The following SEMA6D variants were observed in gnomAD, a reference collection of about 807,000 sequenced individuals.
The protein encoded by SEMA6D is semaphorin 6D.
SEMA6D carries 35 observed loss-of-function variants against 106.6 expected under a neutral mutation model. The ratio of observed to expected loss-of-function variants is 0.33; its 90% CI spans 0.25 to 0.44. The LOEUF (loss-of-function observed/expected upper bound fraction) is 0.44. SEMA6D is among the 20% of genes least tolerant of loss of function. SEMA6D has a pLI of 1.00. For missense variants in SEMA6D, 1,185 were observed against 1,345.9 expected, an observed-to-expected ratio of 0.88 and a Z score of 1.87; for synonymous variants, 499 against 487.7, an observed-to-expected ratio of 1.02 and a Z score of -0.31.
chr15:47,283,590 C>T (rs929936720), intron 1 of SEMA6D, among the ~76,000 whole-genome samples: 16 of 152,268 alleles, frequency 1.1e-4, no homozygotes, highest in African/African-American at 2.9e-4. Flanking sequence ...TGAGACTTTT[C>T]GACTTCAGAA....
chr15:47,633,696 C>T (rs1363314347), intron 4 of SEMA6D, among the ~76,000 whole-genome samples: 1 of 152,142 alleles, frequency 6.6e-6, no homozygotes, highest in Admixed American at 6.5e-5. Context: ...TGTTCTACTT[C>T]ATTTAAGTGA....
chr15:47,619,402 C>T (rs759359105), intron 4 of SEMA6D, among the ~76,000 whole-genome samples: 1 of 152,144 alleles, frequency 6.6e-6, no homozygotes, highest in Middle Eastern at 3.2e-3. Flanking sequence ...GATGACAAGT[C>T]GCACTTGGCC....
intron 3 of SEMA6D, among the ~76,000 whole-genome samples, chr15:47,581,961 AAG>A (rs1175328472): frequency 6.6e-6 from 1 of 152,202 alleles, no homozygotes; most frequent in Non-Finnish European, 1.5e-5. Context: ...AACTCTGGGA[AAG>A]AGGATATCGA....
At chr15:47,756,019 A>G (rs182510953) in intron 1 of SEMA6D, among the ~76,000 whole-genome samples, 54 of 152,134 alleles carry the variant, frequency 3.5e-4, no homozygotes, top group African/African-American at 1.3e-3. Flanking sequence ...CTGAACTCCC[A>G]TTAAGAGCTT....
chr15:47,594,457 T>C (rs1459848507), intron 3 of SEMA6D, among the ~76,000 whole-genome samples: 3 of 152,212 alleles, frequency 2.0e-5, no homozygotes, highest in African/African-American at 7.2e-5. Context: ...AAATTGTAAG[T>C]AGGTAGTTCA....
At chr15:47,356,338 C>G (rs1008683464) in intron 1 of SEMA6D, among the ~76,000 whole-genome samples, 6 of 152,106 alleles carry the variant, frequency 3.9e-5, no homozygotes, top group Middle Eastern at 3.2e-3. Context: ...GAACAGAATT[C>G]AACAATCTAG....
chr15:47,550,330 G>T (rs1188838303), intron 3 of SEMA6D, among the ~76,000 whole-genome samples: 1 of 152,100 alleles, frequency 6.6e-6, no homozygotes, highest in Admixed American at 6.6e-5. Flanking sequence ...CACAAGAGAG[G>T]TGTAGAGACA....
At chr15:47,609,680 A>T (rs141323501) in intron 4 of SEMA6D, among the ~76,000 whole-genome samples, 1 of 152,320 alleles carries the variant, frequency 6.6e-6, no homozygotes, top group African/African-American at 2.4e-5. Flanking sequence ...CTAAATCTTT[A>T]TCCCCGTAAC....
intron 1 of SEMA6D, among the ~76,000 whole-genome samples, chr15:47,299,646 C>T (rs1400410029): frequency 6.6e-6 from 1 of 152,174 alleles, no homozygotes; most frequent in Non-Finnish European, 1.5e-5. Flanking sequence ...TGACATAAAT[C>T]AGAATATGTG....
Position 47,765,182 on chromosome 15 carries a change from T to C in SEMA6D, c.1427+126T>C, listed in dbSNP as rs997196971. 30 of 1,446,508 alleles carry C rather than the reference T, an allele frequency of 2.1e-5. No individual in the cohort carries two copies. In the Admixed American group the frequency reaches 8.1e-4, roughly 39 times the overall value. The allele number at this position is 1,446,508 out of a possible 1,614,324, so 89.6% of individuals were successfully genotyped here. A position where few individuals can be genotyped will look rare whatever the true frequency, so the allele number is the denominator to read the frequency against. On this transcript the variant is annotated intron_variant, in intron 13 of 18. Transcript: ENST00000536845. ...TTGGCATAATAGTGTTTTGTGTTTT[T>C]TTTCTCATTGAAATAAATCTTGGGT...
chr15:47,460,621 A>G (rs1429110292), intron 2 of SEMA6D, among the ~76,000 whole-genome samples: 1 of 152,094 alleles, frequency 6.6e-6, no homozygotes, highest in Non-Finnish European at 1.5e-5. Context: ...TGTAATTGTG[A>G]ATGTTTTTCT....
intron 1 of SEMA6D, among the ~76,000 whole-genome samples, chr15:47,377,318 G>A (rs2039482587): frequency 6.6e-6 from 1 of 152,180 alleles, no homozygotes; most frequent in South Asian, 2.1e-4. Context: ...TCAGAAAATA[G>A]GTACAAGTGG....
At chr15:47,585,986 C>G (rs2076333169) in intron 3 of SEMA6D, among the ~76,000 whole-genome samples, 1 of 152,200 alleles carries the variant, frequency 6.6e-6, no homozygotes, top group Non-Finnish European at 1.5e-5. Context: ...ACCATTTGTT[C>G]AAGATTACAT....
intron 2 of SEMA6D, among the ~76,000 whole-genome samples, chr15:47,437,434 G>T (rs2041754991): frequency 6.6e-6 from 1 of 152,082 alleles, no homozygotes; most frequent in Non-Finnish European, 1.5e-5. Context: ...TGTCAGAAAA[G>T]TTTTTGAATA....
intron 2 of SEMA6D, among the ~76,000 whole-genome samples, chr15:47,418,921 G>A (rs1010687524): frequency 2.6e-5 from 4 of 152,164 alleles, no homozygotes; most frequent in Non-Finnish European, 5.9e-5. Context: ...ATTAGACTGC[G>A]TAAGTGCAAG....
chr15:47,480,388 C>T (rs2043122382), intron 3 of SEMA6D, among the ~76,000 whole-genome samples: 1 of 152,004 alleles, frequency 6.6e-6, no homozygotes. Context: ...AGTCGAATAA[C>T]CTCACCCTGA....
chr15:47,365,107 C>G (rs934225789), intron 1 of SEMA6D, among the ~76,000 whole-genome samples: 1 of 152,300 alleles, frequency 6.6e-6, no homozygotes, highest in African/African-American at 2.4e-5. Flanking sequence ...GCCTAAAAGG[C>G]TCCGAGAGGA....
chr15:47,188,732 C>A (rs982668136), intron 1 of SEMA6D, among the ~76,000 whole-genome samples: 1 of 152,128 alleles, frequency 6.6e-6, no homozygotes, highest in Non-Finnish European at 1.5e-5. Context: ...TGGAAGAAGG[C>A]AGATCATCAA....
intron 1 of SEMA6D, among the ~76,000 whole-genome samples, chr15:47,249,360 A>C (rs2033379566): frequency 1.3e-5 from 2 of 152,134 alleles, no homozygotes; most frequent in Admixed American, 1.3e-4. Flanking sequence ...TTAAATATTC[A>C]TGAGTGCCTA....
Sources: allele counts gnomAD v4.1 joint callset (sites outside exome capture counted in the v4.1 genomes callset), GRCh38; gene constraint gnomAD v4.1.1; transcripts MANE v1.5; gene names NCBI Gene and HGNC (gene_info 2026-07-23, HGNC 2026-07-21).